The following AOPEP variants were observed in gnomAD, a reference collection of about 807,000 sequenced individuals.
AOPEP encodes the protein aminopeptidase O (putative), also known as aminopeptidase O.
In AOPEP, 77 loss-of-function variants were observed where a neutral mutation model predicts 98.1. That is an observed-to-expected ratio of 0.78 (90% CI 0.65 to 0.95). The LOEUF is 0.95. Ranked by LOEUF, AOPEP falls within the 40% of genes least tolerant of loss-of-function variation. AOPEP has a pLI of 0.00. For missense variants in AOPEP, 1,024 were observed against 1,024.7 expected (o/e 1.00, Z 0.01); for synonymous variants, 346 against 365.3 (o/e 0.95, Z 0.60).
intron 1 of AOPEP, among the ~76,000 whole-genome samples, chr9:94,731,976 C>T (rs1467464863): frequency 2.6e-5 from 4 of 151,540 alleles, no homozygotes; most frequent in East Asian, 1.9e-4. Context: ...GTAGAGGTGG[C>T]GTTTCACCAT....
chr9:95,050,638 T>G (rs185169059), intron 13 of AOPEP, among the ~76,000 whole-genome samples: 1 of 152,238 alleles, frequency 6.6e-6, no homozygotes, highest in African/African-American at 2.4e-5. Context: ...TCCCCCCTGC[T>G]CCTTAGTTGT....
At chr9:95,129,511 G>A in the AOPEP span, among the ~76,000 whole-genome samples, 1 of 152,174 alleles carries the variant, frequency 6.6e-6, no homozygotes, top group Admixed American at 6.5e-5. Context: ...GGGCACTCCG[G>A]TAACACACCA....
chr9:94,937,054 G>A lies in AOPEP; in HGVS notation c.1661+8523G>A, dbSNP rs567804176. 2.6e-5 allele frequency among the ~76,000 whole-genome samples: 4 copies of A among 152,258 alleles called. No homozygotes were observed. In the East Asian group the frequency reaches 5.8e-4, roughly 22 times the overall value. Reference sequence around the variant, plus strand: ...AGGCTTCGTTATACAGACATGATTCGTCAAACCATTGGCCTTTGGTGGTCA... The same window carrying A: ...AGGCTTCGTTATACAGACATGATTCATCAAACCATTGGCCTTTGGTGGTCA... On this transcript the variant is annotated intron_variant, in intron 7 of 16. Coordinates refer to ENST00000375315, the MANE Select transcript of AOPEP (RefSeq NM_001193329.3).
At chr9:94,897,546 G>T (rs1238688490) in intron 5 of AOPEP, among the ~76,000 whole-genome samples, 1 of 152,138 alleles carries the variant, frequency 6.6e-6, no homozygotes, top group Non-Finnish European at 1.5e-5. Context: ...AAGCTGTAAA[G>T]AGAAATAGTG....
intron 5 of AOPEP, among the ~76,000 whole-genome samples, chr9:94,858,369 G>A (rs1361689380): frequency 1.7e-5 from 1 of 58,946 alleles, no homozygotes; most frequent in African/African-American, 3.5e-5. Flanking sequence ...AAATTAACAC[G>A]AACTTGGTGA....
intron 1 of AOPEP, among the ~76,000 whole-genome samples, chr9:94,746,832 A>G (rs1443092202): frequency 2.0e-5 from 3 of 152,176 alleles, no homozygotes; most frequent in Non-Finnish European, 4.4e-5. Context: ...TACTGATGGA[A>G]TAAAATCAGT....
intron 13 of AOPEP, among the ~76,000 whole-genome samples, chr9:95,035,017 T>C (rs533162883): frequency 2.6e-5 from 4 of 151,830 alleles, no homozygotes; most frequent in Admixed American, 1.3e-4. Flanking sequence ...CTAGGATACA[T>C]GTGCAGCCTT....
chr9:94,774,205 G>C (rs1463309655), intron 3 of AOPEP, among the ~76,000 whole-genome samples: 1 of 151,098 alleles, frequency 6.6e-6, no homozygotes, highest in Non-Finnish European at 1.5e-5. Context: ...CCAGCTACTC[G>C]GGAGGCTGAG....
chr9:94,964,726 G>T (rs948950037), intron 9 of AOPEP, among the ~76,000 whole-genome samples: 1 of 139,428 alleles, frequency 7.2e-6, no homozygotes, highest in Admixed American at 7.9e-5. Flanking sequence ...TGCAACCTCC[G>T]CCTCCCAGGT....
chr9:95,123,174 G>C, the AOPEP span, among the ~76,000 whole-genome samples: 2 of 151,996 alleles, frequency 1.3e-5, no homozygotes, highest in African/African-American at 4.8e-5. Flanking sequence ...GTGGTGGCTT[G>C]AACCTGTGGT....
intron 5 of AOPEP, among the ~76,000 whole-genome samples, chr9:94,823,365 A>G (rs762140801): frequency 2.0e-5 from 3 of 152,070 alleles, no homozygotes; most frequent in Non-Finnish European, 4.4e-5. Flanking sequence ...ATACCTCTCT[A>G]CCTTTTACTC....
intron 5 of AOPEP, among the ~76,000 whole-genome samples, chr9:94,916,013 C>A (rs1333526461): frequency 2.6e-5 from 4 of 152,310 alleles, no homozygotes. Context: ...CATAAAGCAG[C>A]CCTCCAGGCC....
Position 94,955,245 on chromosome 9 carries a change from C to A in AOPEP, c.1730C>A (p.Pro577Gln). The A allele has an allele frequency of 6.2e-7, 1 of 1,613,314 alleles. No homozygotes were observed. Among genetic ancestry groups the A allele is most frequent in the Non-Finnish European group, 8.5e-7 (1 of 1,179,680 alleles). ...TCTGTTATCAAGCATGGACTTAATC[C>A]GGAGAAGATCTTCATGCAGGTGCAT... Reference protein sequence around the residue: ...GASVIKHGLNPEKIFMQVHYL... With the variant: ...GASVIKHGLNQEKIFMQVHYL... Residue 577 changes from proline to glutamine, a missense_variant, in exon 8 of 17, where the codon CCG becomes CAG. By Grantham distance (76) the Pro-to-Gln change is moderately conservative. This residue lies in a region of AOPEP where 566 missense variants were observed against 551.7 expected (regional missense o/e 1.03). Transcript: ENST00000375315.
At chr9:95,052,962 A>G (rs1430006470) in intron 13 of AOPEP, among the ~76,000 whole-genome samples, 1 of 152,152 alleles carries the variant, frequency 6.6e-6, no homozygotes, top group African/African-American at 2.4e-5. Flanking sequence ...GACTAAGACT[A>G]GAGAGACAAT....
chr9:94,826,128 T>C (rs190938201), intron 5 of AOPEP, among the ~76,000 whole-genome samples: 1 of 152,298 alleles, frequency 6.6e-6, no homozygotes, highest in East Asian at 1.9e-4. Flanking sequence ...TCAGTTTTCC[T>C]TGTGGCAGCG....
In AOPEP at chr9:94,759,711, A is replaced by C. The variant is rs1361565974; in HGVS notation, c.-73A>C. The C allele has an allele frequency of 9.2e-6, 11 of 1,191,482 alleles. No homozygotes were observed. Among genetic ancestry groups the C allele is most frequent in the Non-Finnish European group, 1.3e-5 (11 of 845,224 alleles). 73.8% of individuals were successfully genotyped at this position (1,191,482 alleles called of 1,614,324 possible). A position where few individuals can be genotyped will look rare whatever the true frequency, so the allele number is the denominator to read the frequency against. The stretch of plus-strand genomic sequence containing the variant: ...TTTCTTTGATAAGCAGCTATTTATG[A>C]TTCTGGAAGATTAAGGCAGATAGGA... On this transcript the variant is annotated 5_prime_UTR_variant, in exon 2 of 17. Coordinates refer to ENST00000375315, the MANE Select transcript of AOPEP (RefSeq NM_001193329.3).
At chr9:95,125,214 C>T in the AOPEP span, 23 of 1,574,448 alleles carry the variant, frequency 1.5e-5, no homozygotes, top group Middle Eastern at 1.7e-4. Context: ...GATCAGAACA[C>T]GTTTAACAAG....
chr9:95,145,381 A>C, the AOPEP span: 1 of 152,224 alleles, frequency 6.6e-6, no homozygotes, highest in Non-Finnish European at 1.5e-5. Context: ...AGATCACAAA[A>C]GCTTAACAAA....
chr9:94,921,069 T>TAAAAAAAAAAAAAAAAA (rs10689391), intron 5 of AOPEP: 1 of 143,510 alleles, frequency 7.0e-6, no homozygotes. Flanking sequence ...CTCTGTGATT[T>TAAAAAAAAAAAAAAAAA]AAAAAAAAAA....
Sources: allele counts gnomAD v4.1 joint callset (sites outside exome capture counted in the v4.1 genomes callset), GRCh38; gene constraint gnomAD v4.1.1; regional missense constraint gnomAD v4.1.1; transcripts MANE v1.5; gene names NCBI Gene and HGNC (gene_info 2026-07-23, HGNC 2026-07-21).